Variants in TMCC1 observed in about 807,000 individuals in gnomAD.
TMCC1 encodes transmembrane and coiled-coil domains protein 1.
A neutral mutation model predicts 52.4 loss-of-function variants in TMCC1; 15 were observed. The ratio of observed to expected loss-of-function variants is 0.29; its 90% CI spans 0.19 to 0.44. TMCC1 has a LOEUF of 0.44. Ranked by LOEUF, TMCC1 falls within the 20% of genes least tolerant of loss-of-function variation. TMCC1 has a pLI of 1.00. For missense variants in TMCC1, 503 were observed against 806.0 expected (o/e 0.62, Z 4.55); for synonymous variants, 279 against 301.9 (o/e 0.92, Z 0.79).
intron 2 of TMCC1, among the ~76,000 whole-genome samples, chr3:129,855,522 A>G (rs1284580723): frequency 6.6e-6 from 1 of 152,128 alleles, no homozygotes; most frequent in Non-Finnish European, 1.5e-5. Context: ...CAGAAAAAGG[A>G]GAAGAAATGA....
At chr3:129,833,319 C>T (rs2059006580) in intron 2 of TMCC1, among the ~76,000 whole-genome samples, 1 of 152,120 alleles carries the variant, frequency 6.6e-6, no homozygotes, top group Non-Finnish European at 1.5e-5. Flanking sequence ...TGGCTCATGC[C>T]TGTAATCCCA....
chr3:129,695,587 A>C (rs1015199834), intron 4 of TMCC1, among the ~76,000 whole-genome samples: 1 of 152,130 alleles, frequency 6.6e-6, no homozygotes, highest in African/African-American at 2.4e-5. Flanking sequence ...TTTTAAAACT[A>C]TCAGATCTCA....
rs1312975955 is a variant in TMCC1 at position 129,763,509 on chromosome 3, C to T, written c.576+64294G>A. ...AGTGAGCTAAGATCACACCACTGCACTCCAGCCTGGATGACAGAGTGAGAC... is the reference window on the plus strand; with the variant it reads ...AGTGAGCTAAGATCACACCACTGCATTCCAGCCTGGATGACAGAGTGAGAC... On this transcript the variant is annotated intron_variant, in intron 4 of 6. Coordinates refer to ENST00000393238, the MANE Select transcript of TMCC1 (RefSeq NM_001017395.5). 2.4e-5 allele frequency among the ~76,000 whole-genome samples: 3 copies of T among 124,816 alleles called. No individual in the cohort carries two copies. In the East Asian group the frequency reaches 7.8e-4, roughly 32 times the overall value. 81.9% of individuals were successfully genotyped at this position (124,816 alleles called of 152,430 possible).
At chr3:129,859,319 T>G (rs2107926034) in intron 2 of TMCC1, among the ~76,000 whole-genome samples, 1 of 152,274 alleles carries the variant, frequency 6.6e-6, no homozygotes, top group Middle Eastern at 3.4e-3. Context: ...ACAAATGATT[T>G]AAGTATGAGA....
At chr3:129,738,486 G>A (rs2051174254) in intron 4 of TMCC1, among the ~76,000 whole-genome samples, 1 of 150,158 alleles carries the variant, frequency 6.7e-6, no homozygotes, top group African/African-American at 2.5e-5. Context: ...CTTCCAAACA[G>A]GAATTTAAAA....
intron 4 of TMCC1, among the ~76,000 whole-genome samples, chr3:129,796,481 C>T (rs1409864791): frequency 6.6e-6 from 1 of 152,106 alleles, no homozygotes; most frequent in Non-Finnish European, 1.5e-5. Flanking sequence ...GGGAAGACTA[C>T]TGTAGTATCC....
chr3:129,853,948 G>A (rs1231795253), intron 2 of TMCC1, among the ~76,000 whole-genome samples: 3 of 152,038 alleles, frequency 2.0e-5, no homozygotes, highest in Non-Finnish European at 2.9e-5. Flanking sequence ...AAATATTCTT[G>A]AATGAATGCC....
intron 2 of TMCC1, among the ~76,000 whole-genome samples, chr3:129,849,559 T>A (rs890828175): frequency 6.6e-6 from 1 of 150,556 alleles, no homozygotes; most frequent in African/African-American, 2.4e-5. Flanking sequence ...GGTCAGGAGA[T>A]CGAGACCATC....
intron 4 of TMCC1, among the ~76,000 whole-genome samples, chr3:129,687,831 A>C (rs1043361307): frequency 2.0e-5 from 3 of 152,250 alleles, no homozygotes; most frequent in African/African-American, 7.2e-5. Context: ...TAACAGGAGG[A>C]AGGCTTTATT....
At chr3:129,677,990 G>C (rs1433803899) in intron 4 of TMCC1, among the ~76,000 whole-genome samples, 1 of 151,758 alleles carries the variant, frequency 6.6e-6, no homozygotes, top group Admixed American at 6.6e-5. Context: ...GCAGTAGCAT[G>C]ATCTTGGCTC....
intron 4 of TMCC1, among the ~76,000 whole-genome samples, chr3:129,751,567 T>A (rs1434944677): frequency 1.3e-5 from 2 of 148,986 alleles, no homozygotes; most frequent in East Asian, 4.0e-4. Context: ...CAATAGTATC[T>A]TTTTTTCCCC....
chr3:129,670,854 C>G lies in TMCC1; in HGVS notation c.987G>C (p.Leu329=), dbSNP rs1221073788. 1.2e-6 allele frequency: 2 copies of G among 1,614,222 alleles called. No individual in the cohort carries two copies. Among genetic ancestry groups the G allele is most frequent in the East Asian group, 4.5e-5 (2 of 44,880 alleles). Residue 329 remains leucine (L), a synonymous_variant, in exon 5 of 7, where the codon CTG becomes CTC. Transcript: ENST00000393238. The stretch of plus-strand genomic sequence containing the variant: ...CAGTCACCTTTGCTCCTACATCCTT[C>G]AGACCCTGGTGCATGTCCCTGAAGA... ...KDVFRDMHQG[L]KDVGAKVTGF...
At chr3:129,884,554 T>G (rs566836897) in intron 1 of TMCC1, among the ~76,000 whole-genome samples, 2 of 152,232 alleles carry the variant, frequency 1.3e-5, no homozygotes, top group Non-Finnish European at 2.9e-5. Flanking sequence ...GAATTAGAAC[T>G]CAGTTCCCAT....
chr3:129,670,520 C>T lies in TMCC1; in HGVS notation c.1321G>A (p.Ala441Thr), dbSNP rs148011506. ...GTTTTGGAGCTGGATGCTCCTACAG[C>T]GATGCCCCCTGTGGTGCTGTTGGCT... ...VGANSTTGGIAVGASSSKTNT... is the reference protein window; with the variant it reads ...VGANSTTGGITVGASSSKTNT... Residue 441 changes from alanine to threonine, a missense_variant, in exon 5 of 7, where the codon GCT becomes ACT. Physicochemically the swap from Ala to Thr is moderately conservative, Grantham distance 58. Transcript: ENST00000393238. The T allele has an allele frequency of 1.1e-4, 184 of 1,614,204 alleles. No homozygotes were observed. The highest frequency in any genetic ancestry group is 1.5e-4 in the Non-Finnish European group (179 of 1,180,034).
intron 4 of TMCC1, among the ~76,000 whole-genome samples, chr3:129,821,807 G>A (rs536745563): frequency 6.6e-6 from 1 of 152,164 alleles, no homozygotes; most frequent in Admixed American, 6.5e-5. Flanking sequence ...GCTCACACCT[G>A]TAATCCCAGC....
intron 4 of TMCC1, among the ~76,000 whole-genome samples, chr3:129,723,519 T>G (rs1055328651): frequency 1.3e-5 from 2 of 151,732 alleles, no homozygotes; most frequent in Non-Finnish European, 2.9e-5. Flanking sequence ...CCAAGGCAAA[T>G]GAAACTCTTG....
chr3:129,738,107 C>A (rs2051131575), intron 4 of TMCC1, among the ~76,000 whole-genome samples: 1 of 151,782 alleles, frequency 6.6e-6, no homozygotes, highest in African/African-American at 2.4e-5. Context: ...CCCATCTCTA[C>A]TAAAAATACA....
At chr3:129,762,738 T>C (rs142042560) in intron 4 of TMCC1, among the ~76,000 whole-genome samples, 178 of 152,204 alleles carry the variant, frequency 1.2e-3, no homozygotes, top group African/African-American at 3.7e-3. Context: ...GTCATGATCA[T>C]ACCACTGCTT....
chr3:129,811,966 A>G (rs1445857578), intron 4 of TMCC1, among the ~76,000 whole-genome samples: 1 of 151,412 alleles, frequency 6.6e-6, no homozygotes, highest in African/African-American at 2.4e-5. Context: ...AAAAAAAGAA[A>G]GAAAGAAATC....
Sources: allele counts gnomAD v4.1 joint callset (sites outside exome capture counted in the v4.1 genomes callset), GRCh38; gene constraint gnomAD v4.1.1; transcripts MANE v1.5; gene names NCBI Gene and HGNC (gene_info 2026-07-23, HGNC 2026-07-21).